CDC42BPB: variants seen among roughly 807,000 people sequenced by gnomAD.
The protein encoded by CDC42BPB is CDC42 binding protein kinase beta, also known as serine/threonine-protein kinase MRCK beta.
A neutral mutation model predicts 214.9 loss-of-function variants in CDC42BPB; 37 were observed. The ratio of observed to expected loss-of-function variants is 0.17; its 90% CI spans 0.13 to 0.23. CDC42BPB has a LOEUF of 0.23. Among genes scored for constraint, CDC42BPB ranks in the 10% least tolerant of loss-of-function variants. The pLI is 1.00. For synonymous variants in CDC42BPB, 931 were observed against 884.0 expected (o/e 1.05, Z -0.94); for missense variants, 1,694 against 2,227.0 (o/e 0.76, Z 4.82).
intron 1 of CDC42BPB, among the ~76,000 whole-genome samples, chr14:103,021,259 G>A (rs1421454912): frequency 3.9e-5 from 6 of 152,168 alleles, no homozygotes; most frequent in Non-Finnish European, 8.8e-5. Flanking sequence ...AGGAGATCGA[G>A]ACCATCCTGG....
intron 1 of CDC42BPB, among the ~76,000 whole-genome samples, chr14:103,038,824 T>C (rs896954519): frequency 6.6e-6 from 1 of 151,286 alleles, no homozygotes; most frequent in Non-Finnish European, 1.5e-5. Flanking sequence ...CAGGCTACAA[T>C]TACCTTTTAT....
chr14:102,995,350 A>G (rs978416115), intron 5 of CDC42BPB, among the ~76,000 whole-genome samples: 14 of 151,940 alleles, frequency 9.2e-5, no homozygotes, highest in Non-Finnish European at 1.2e-4. Context: ...AATTTTTTGT[A>G]TTTTTAGTAG....
intron 5 of CDC42BPB, among the ~76,000 whole-genome samples, chr14:102,993,194 T>C (rs982939171): frequency 6.6e-6 from 1 of 152,234 alleles, no homozygotes. Context: ...CTACTATACA[T>C]ATTTAAATAC....
In CDC42BPB at chr14:103,056,981, C is replaced by G; in HGVS notation, c.175+18G>C. ...GGGTCGCAGAGCCGCAGGTCCGGCCCTGCCGGCGCGCACTTACCCCACTCG... is the reference window on the plus strand; with the variant it reads ...GGGTCGCAGAGCCGCAGGTCCGGCCGTGCCGGCGCGCACTTACCCCACTCG... On this transcript the variant is annotated intron_variant, in intron 1 of 36. Coordinates refer to ENST00000361246, the MANE Select transcript of CDC42BPB (RefSeq NM_006035.4). The G allele has an allele frequency of 7.2e-7, 1 of 1,396,550 alleles. No individual in the cohort carries two copies. The highest frequency in any genetic ancestry group is 9.3e-7 in the Non-Finnish European group (1 of 1,071,034). The allele number at this position is 1,396,550 out of a possible 1,614,324, so 86.5% of individuals were successfully genotyped here. A position where few individuals can be genotyped will look rare whatever the true frequency, so the allele number is the denominator to read the frequency against.
At chr14:102,997,401 G>A (rs1894790577) in intron 5 of CDC42BPB, among the ~76,000 whole-genome samples, 1 of 152,222 alleles carries the variant, frequency 6.6e-6, no homozygotes, top group African/African-American at 2.4e-5. Flanking sequence ...TGGAGGACAC[G>A]CGCTACCAAG....
chr14:103,026,156 G>T (rs1054831043), intron 1 of CDC42BPB, among the ~76,000 whole-genome samples: 1 of 152,134 alleles, frequency 6.6e-6, no homozygotes, highest in Non-Finnish European at 1.5e-5. Context: ...CCAGCACTTT[G>T]GGAGGCCGAG....
intron 5 of CDC42BPB, among the ~76,000 whole-genome samples, chr14:102,999,343 G>A (rs938076357): frequency 3.2e-4 from 49 of 152,002 alleles, no homozygotes; most frequent in African/African-American, 2.4e-5. Context: ...CAGTGGCTTC[G>A]GCTGACAGCA....
intron 4 of CDC42BPB, among the ~76,000 whole-genome samples, chr14:103,000,699 G>A (rs1799992124): frequency 6.6e-6 from 1 of 152,230 alleles, no homozygotes; most frequent in Non-Finnish European, 1.5e-5. Context: ...TATCAGCCGG[G>A]GCAGGGACCC....
chr14:103,003,749 T>C (rs1289920456), intron 4 of CDC42BPB, among the ~76,000 whole-genome samples, 179 bp downstream of exon 4: 3 of 152,244 alleles, frequency 2.0e-5, no homozygotes, highest in African/African-American at 7.2e-5. Context: ...TCCACATGTG[T>C]ATTTTAAAGA....
chr14:103,025,849 G>A (rs983367479), intron 1 of CDC42BPB, among the ~76,000 whole-genome samples: 1 of 150,324 alleles, frequency 6.7e-6, no homozygotes, highest in Non-Finnish European at 1.5e-5. Context: ...ACACAACACT[G>A]ATGAATCACA....
Position 102,981,005 on chromosome 14 carries a change from G to T in CDC42BPB, c.908C>A (p.Pro303Gln). ...TTCAGATACATCCGTGACATGGGAT[G>T]GGAACTGGAATCGCTCCTGCAAGGG... ...IMNHEERFQF[P>Q]SHVTDVSEEA... The change falls in exon 8 of 37, where the codon CCA becomes CAA. Residue 303 changes from proline (P) to glutamine (Q), a missense_variant. By Grantham distance (76) the Pro-to-Gln change is moderately conservative. Coordinates refer to ENST00000361246, the MANE Select transcript of CDC42BPB (RefSeq NM_006035.4). The T allele has an allele frequency of 6.2e-7, 1 of 1,614,144 alleles. No individual in the cohort carries two copies. The highest frequency in any genetic ancestry group is 8.5e-7 in the Non-Finnish European group (1 of 1,180,038).
chr14:102,973,071 G>A (rs772572667), intron 12 of CDC42BPB, among the ~76,000 whole-genome samples: 1 of 152,212 alleles, frequency 6.6e-6, no homozygotes, highest in South Asian at 2.1e-4. Flanking sequence ...TGGCAGTTCA[G>A]TCACTGTCAC....
intron 1 of CDC42BPB, among the ~76,000 whole-genome samples, chr14:103,015,429 G>A (rs941212416): frequency 6.6e-6 from 1 of 152,114 alleles, no homozygotes; most frequent in Non-Finnish European, 1.5e-5. Context: ...AGAGGCTGCA[G>A]TGAGCCAAGA....
chr14:103,039,842 G>A (rs1402143405), intron 1 of CDC42BPB, among the ~76,000 whole-genome samples: 2 of 152,094 alleles, frequency 1.3e-5, no homozygotes, highest in African/African-American at 2.4e-5. Flanking sequence ...TACTCACAGA[G>A]ATAATTTTAT....
At chr14:102,996,271 C>T (rs1302819091) in intron 5 of CDC42BPB, among the ~76,000 whole-genome samples, 5 of 151,850 alleles carry the variant, frequency 3.3e-5, no homozygotes, top group African/African-American at 1.2e-4. Context: ...ACCCGGGAGG[C>T]GGAGCTTGCA....
chr14:102,991,076 G>C (rs1894468696), intron 5 of CDC42BPB, among the ~76,000 whole-genome samples: 1 of 152,220 alleles, frequency 6.6e-6, no homozygotes, highest in African/African-American at 2.4e-5. Flanking sequence ...ATTTTAAAGA[G>C]GAAGAGGATA....
intron 5 of CDC42BPB, among the ~76,000 whole-genome samples, chr14:102,999,290 A>G (rs939939655): frequency 6.6e-6 from 1 of 151,904 alleles, no homozygotes; most frequent in East Asian, 1.9e-4. Context: ...GGGGTCTCAG[A>G]CGGGGAGAAG....
chr14:103,038,909 G>C (rs1463963991), intron 1 of CDC42BPB, among the ~76,000 whole-genome samples: 1 of 151,982 alleles, frequency 6.6e-6, no homozygotes, highest in African/African-American at 2.4e-5. Context: ...AAAAACAGCA[G>C]CAACTCAAAT....
At chr14:102,959,917 A>T in intron 20 of CDC42BPB, 1 of 887,018 alleles carries the variant, frequency 1.1e-6, no homozygotes, top group Non-Finnish European at 1.3e-6. Flanking sequence ...TTGAAAAAGT[A>T]ACCAAGGGAC....
Sources: allele counts gnomAD v4.1 joint callset (sites outside exome capture counted in the v4.1 genomes callset), GRCh38; gene constraint gnomAD v4.1.1; transcripts MANE v1.5; gene names NCBI Gene and HGNC (gene_info 2026-07-23, HGNC 2026-07-21).